The following GAS2 variants were observed in gnomAD, a reference collection of about 807,000 sequenced individuals.
The protein encoded by GAS2 is growth arrest-specific protein 2.
A neutral mutation model predicts 37.5 loss-of-function variants in GAS2; 20 were observed. The observed-to-expected ratio is 0.53, with a 90% CI of 0.37 to 0.77. The LOEUF is 0.77. Among genes scored for constraint, GAS2 ranks in the 30% least tolerant of loss-of-function variants. The probability of loss-of-function intolerance (pLI) is 0.00; values close to 1 mark genes in which losing one functional copy is unlikely to be tolerated. For synonymous variants in GAS2, 144 were observed against 132.2 expected, an observed-to-expected ratio of 1.09 and a Z score of -0.61; for missense variants, 336 against 373.4, an observed-to-expected ratio of 0.90 and a Z score of 0.82.
At chr11:22,665,355 A>G (rs974320898), upstream of GAS2, among the ~76,000 whole-genome samples, 4 of 152,186 alleles carry the variant, frequency 2.6e-5, no homozygotes, top group African/African-American at 7.2e-5. Context: ...ACTAAATTGT[A>G]TGTGTTCAGA....
intron 5 of GAS2, among the ~76,000 whole-genome samples, chr11:22,744,313 C>A (rs906332753): frequency 6.6e-6 from 1 of 151,996 alleles, no homozygotes; most frequent in Non-Finnish European, 1.5e-5. Flanking sequence ...CCAGCATCAC[C>A]CTGATTCCAA....
chr11:22,670,770 T>C (rs1191867254), intron 1 of GAS2, among the ~76,000 whole-genome samples: 1 of 152,134 alleles, frequency 6.6e-6, no homozygotes, highest in Non-Finnish European at 1.5e-5. Context: ...GAGTAGCTAC[T>C]AAATGGTTAG....
intron 1 of GAS2, among the ~76,000 whole-genome samples, chr11:22,647,384 C>A (rs1320213872): frequency 6.6e-6 from 1 of 152,100 alleles, no homozygotes; most frequent in Non-Finnish European, 1.5e-5. Context: ...AATAAACATA[C>A]GTGTGCATGT....
chr11:22,667,234 T>A (rs1222393125), intron 1 of GAS2: 2 of 151,598 alleles, frequency 1.3e-5, no homozygotes, highest in East Asian at 3.9e-4. Flanking sequence ...AGGGACAGAG[T>A]GAGGATTTTT....
intron 7 of GAS2, among the ~76,000 whole-genome samples, chr11:22,783,235 G>A (rs1356293662): frequency 2.6e-5 from 4 of 151,832 alleles, no homozygotes; most frequent in Non-Finnish European, 4.4e-5. Context: ...GCCATTGTTT[G>A]TCTTCTTTTG....
intron 7 of GAS2, among the ~76,000 whole-genome samples, chr11:22,773,964 T>C (rs1855121408): frequency 6.6e-6 from 1 of 152,146 alleles, no homozygotes; most frequent in African/African-American, 2.4e-5. Context: ...CCCAGTTAAA[T>C]ACATCAGAGC....
chr11:22,654,541 A>G (rs557725663), intron 1 of GAS2, among the ~76,000 whole-genome samples: 1 of 152,152 alleles, frequency 6.6e-6, no homozygotes, highest in East Asian at 1.9e-4. Flanking sequence ...GACTACAGGC[A>G]TGTGCAACAA....
At chr11:22,747,490 G>T (rs1853473090) in intron 5 of GAS2, among the ~76,000 whole-genome samples, 1 of 152,090 alleles carries the variant, frequency 6.6e-6, no homozygotes, top group African/African-American at 2.4e-5. Context: ...GTAGAATTGG[G>T]CTCACTAGAC....
chr11:22,783,107 T>A (rs755666054), intron 7 of GAS2, among the ~76,000 whole-genome samples: 2 of 152,062 alleles, frequency 1.3e-5, no homozygotes, highest in Non-Finnish European at 2.9e-5. Flanking sequence ...CTTGCCAACG[T>A]CCTTTTCTTT....
intron 1 of GAS2, among the ~76,000 whole-genome samples, chr11:22,635,029 G>A (rs1858802582): frequency 6.6e-6 from 1 of 152,204 alleles, no homozygotes; most frequent in Admixed American, 6.5e-5. Context: ...GTAATGGACT[G>A]TGTCAGTTGG....
chr11:22,642,216 C>G (rs754778766), intron 1 of GAS2, among the ~76,000 whole-genome samples: 15 of 152,008 alleles, frequency 9.9e-5, no homozygotes, highest in Non-Finnish European at 2.1e-4. Context: ...TGCAGTGGTC[C>G]TCATGAGCAA....
At chr11:22,800,164 G>T (rs1371937986) in intron 7 of GAS2, among the ~76,000 whole-genome samples, 1 of 152,072 alleles carries the variant, frequency 6.6e-6, no homozygotes, top group East Asian at 1.9e-4. Flanking sequence ...TGTGGGAAAA[G>T]AAAATAGTAG....
intron 7 of GAS2, among the ~76,000 whole-genome samples, chr11:22,776,966 A>G (rs991777389): frequency 6.6e-6 from 1 of 152,152 alleles, no homozygotes; most frequent in African/African-American, 2.4e-5. Context: ...CTATTGAATT[A>G]CCATTTTATG....
intron 6 of GAS2, among the ~76,000 whole-genome samples, chr11:22,751,815 G>C (rs1406050303): frequency 6.6e-6 from 1 of 151,960 alleles, no homozygotes; most frequent in Non-Finnish European, 1.5e-5. Flanking sequence ...CAATACTCCA[G>C]TTCAGAAAAA....
chr11:22,799,912 A>G (rs555081354), intron 7 of GAS2, among the ~76,000 whole-genome samples: 1 of 152,226 alleles, frequency 6.6e-6, no homozygotes, highest in Non-Finnish European at 1.5e-5. Flanking sequence ...CTCAACAAAT[A>G]TTTGTTGAAT....
chr11:22,646,300 AAGG>A (rs1474200446), intron 1 of GAS2, among the ~76,000 whole-genome samples: 4 of 152,212 alleles, frequency 2.6e-5, no homozygotes, highest in African/African-American at 9.6e-5. Flanking sequence ...TAGTTAAAAA[AAGG>A]AGGTTAATTT....
At chr11:22,627,773 T>C (rs1858684123) in intron 1 of GAS2, among the ~76,000 whole-genome samples, 3 of 118,662 alleles carry the variant, frequency 2.5e-5, no homozygotes, top group Admixed American at 9.1e-5. Flanking sequence ...AGACTCCATC[T>C]CAAAAAAAAA....
intron 2 of GAS2, 40 bp downstream of exon 2, chr11:22,675,054 GT>G (rs1849362303): frequency 6.2e-7 from 1 of 1,600,072 alleles, no homozygotes; most frequent in Non-Finnish European, 8.5e-7. Flanking sequence ...AAAGACAACA[GT>G]TTTTGTTTTA....
intron 3 of GAS2, among the ~76,000 whole-genome samples, chr11:22,719,535 G>A (rs1851846228): frequency 6.6e-6 from 1 of 152,096 alleles, no homozygotes; most frequent in African/African-American, 2.4e-5. Context: ...GTGTTAAACA[G>A]TCTGGGTTTT....
Sources: allele counts gnomAD v4.1 joint callset (sites outside exome capture counted in the v4.1 genomes callset), GRCh38; gene constraint gnomAD v4.1.1; transcripts MANE v1.5; gene names NCBI Gene and HGNC (gene_info 2026-07-23, HGNC 2026-07-21).